The following CSMD3 variants were observed in gnomAD, a reference collection of about 807,000 sequenced individuals.
CSMD3 encodes CUB and sushi domain-containing protein 3.
Under a neutral mutation model 435.2 loss-of-function variants are expected in CSMD3, and 177 were observed. The ratio of observed to expected loss-of-function variants is 0.41; its 90% CI spans 0.36 to 0.46. The LOEUF is 0.46. CSMD3 is among the 20% of genes least tolerant of loss of function. The pLI, the probability that CSMD3 is intolerant of heterozygous loss-of-function variation, is 0.34. For synonymous variants in CSMD3, 1,656 were observed against 1,520.5 expected, an observed-to-expected ratio of 1.09 and a Z score of -2.07; for missense variants, 4,265 against 4,504.6, an observed-to-expected ratio of 0.95 and a Z score of 1.52.
rs757265240 is a variant in CSMD3 at position 113,239,649 on chromosome 8, A to T, written c.514+38943T>A. Among the ~76,000 whole-genome samples, 12 of 152,042 alleles carry T rather than the reference A, an allele frequency of 7.9e-5. 1 individual carries two copies. Among genetic ancestry groups the T allele is most frequent in the South Asian group, 4.1e-4 (2 of 4,822 alleles). The stretch of plus-strand genomic sequence containing the variant: ...AAATATGTGTTAACATGGCTTTGGA[A>T]ATGGGTAATGAGTAGGAGGGTGGAG... On this transcript the variant is annotated intron_variant, in intron 3 of 70. Coordinates refer to ENST00000297405, the MANE Select transcript of CSMD3 (RefSeq NM_198123.2).
chr8:113,280,968 G>C (rs2093608859), intron 2 of CSMD3, among the ~76,000 whole-genome samples: 1 of 151,898 alleles, frequency 6.6e-6, no homozygotes, highest in Non-Finnish European at 1.5e-5. Context: ...ATGGTATTGA[G>C]GGTTCCTTTT....
intron 22 of CSMD3, among the ~76,000 whole-genome samples, chr8:112,590,360 T>C (rs1222332767): frequency 3.3e-5 from 5 of 149,888 alleles, no homozygotes; most frequent in South Asian, 4.2e-4. Flanking sequence ...AATGGATGAG[T>C]AAATTAAAGG....
chr8:112,255,127 T>C (rs1815652677), intron 62 of CSMD3, 127 bp downstream of exon 62: 1 of 713,684 alleles, frequency 1.4e-6, no homozygotes, highest in Non-Finnish European at 2.4e-6. Context: ...GCCTTCTAAT[T>C]GCTTCTATAT....
intron 5 of CSMD3, among the ~76,000 whole-genome samples, chr8:113,063,954 A>G (rs979761464): frequency 6.6e-6 from 1 of 151,670 alleles, no homozygotes; most frequent in Non-Finnish European, 1.5e-5. Flanking sequence ...TAAAAGGACT[A>G]TAATAAATAG....
intron 5 of CSMD3, among the ~76,000 whole-genome samples, chr8:113,071,429 C>T (rs2089114218): frequency 6.6e-6 from 1 of 151,892 alleles, no homozygotes; most frequent in Non-Finnish European, 1.5e-5. Flanking sequence ...ATGTTTTCTT[C>T]TAGTAGTTTT....
At position 112,685,578 on chromosome 8, in the gene CSMD3, G is replaced by T. The variant is rs2131804292; in HGVS notation, c.2310C>A (p.Ser770=). 6.2e-7 allele frequency: 1 copy of T among 1,613,854 alleles called. No individual in the cohort carries two copies. The highest frequency in any genetic ancestry group is 8.5e-7 in the Non-Finnish European group (1 of 1,179,934). ...CTTTAACAGCAAGGAAATCAAACTG[G>T]GATTCCAGGTCAAAGTCATTGAAAG... ...HLSFNDFDLE[S]QFDFLAVKDG... is the part of the protein sequence containing the mutation. The change falls in exon 15 of 71, where the codon TCC becomes TCA. Residue 770 remains serine (S), a synonymous_variant. Transcript: ENST00000297405.
At chr8:112,659,546 T>C (rs1208443128) in intron 17 of CSMD3, among the ~76,000 whole-genome samples, 1 of 152,118 alleles carries the variant, frequency 6.6e-6, no homozygotes, top group Non-Finnish European at 1.5e-5. Flanking sequence ...AGACTGATAG[T>C]GATAGCATGC....
intron 1 of CSMD3, among the ~76,000 whole-genome samples, chr8:113,417,030 T>C (rs893705408): frequency 6.6e-6 from 1 of 152,036 alleles, no homozygotes; most frequent in Admixed American, 6.6e-5. Flanking sequence ...AATAATAAAC[T>C]TCTTTGATAA....
intron 10 of CSMD3, among the ~76,000 whole-genome samples, chr8:112,884,122 G>A (rs2081523644): frequency 6.6e-6 from 1 of 151,862 alleles, no homozygotes; most frequent in Non-Finnish European, 1.5e-5. Context: ...CAGTAAAACA[G>A]TGCTTTAGAA....
chr8:113,402,008 C>A (rs1312468593), intron 1 of CSMD3, among the ~76,000 whole-genome samples: 1 of 151,412 alleles, frequency 6.6e-6, no homozygotes, highest in Non-Finnish European at 1.5e-5. Context: ...CTGAATGTGT[C>A]CCCATCTTTA....
chr8:112,324,132 A>G (rs150681507), intron 45 of CSMD3, among the ~76,000 whole-genome samples: 3 of 152,098 alleles, frequency 2.0e-5, no homozygotes, highest in African/African-American at 7.2e-5. Context: ...AAGCAAGATC[A>G]TTACCCTAAT....
intron 1 of CSMD3, among the ~76,000 whole-genome samples, chr8:113,392,055 T>C (rs1225717798): frequency 1.3e-5 from 2 of 152,052 alleles, no homozygotes; most frequent in African/African-American, 2.4e-5. Context: ...ATCACATGCT[T>C]AATGATTGAC....
chr8:112,238,740 T>TTAAATTTA, intron 66 of CSMD3, among the ~76,000 whole-genome samples: 1 of 151,882 alleles, frequency 6.6e-6, no homozygotes, highest in Non-Finnish European at 1.5e-5. Context: ...TTATAAGTGT[T>TTAAATTTA]GAATTTGATC....
rs189974315 is a variant in CSMD3, at chr8:112,568,432, A to G, written c.4042+5069T>C. Among the ~76,000 whole-genome samples the G allele has an allele frequency of 3.3e-5, 5 of 152,164 alleles. No homozygotes were observed. The East Asian group carries it at 9.7e-4, about 29-fold the overall frequency. ...ATATGGCAAAACCCTGTCTCTATTA[A>G]AAATACAAAAAAATTAGCCAGGCAT... On this transcript the variant is annotated intron_variant, in intron 24 of 70. Transcript: ENST00000297405.
intron 6 of CSMD3, among the ~76,000 whole-genome samples, chr8:113,008,003 A>G (rs1398559397): frequency 6.6e-6 from 1 of 151,850 alleles, no homozygotes; most frequent in East Asian, 1.9e-4. Flanking sequence ...AAATATCTCA[A>G]TATCTTCTCA....
intron 3 of CSMD3, among the ~76,000 whole-genome samples, chr8:113,224,602 T>G (rs2093005552): frequency 6.6e-6 from 1 of 151,274 alleles, no homozygotes; most frequent in African/African-American, 2.4e-5. Context: ...GCAACTAAAA[T>G]ATGTTATTAC....
chr8:112,545,040 T>C (rs985821590), intron 27 of CSMD3, among the ~76,000 whole-genome samples: 3 of 152,180 alleles, frequency 2.0e-5, no homozygotes, highest in Admixed American at 2.0e-4. Context: ...AGTCTCTATT[T>C]CTACACATAC....
chr8:112,830,164 AG>A (rs764766848), intron 11 of CSMD3, among the ~76,000 whole-genome samples: 3,220 of 152,270 alleles, frequency 0.021, 55 homozygotes, highest in Middle Eastern at 0.045. Context: ...GTAGGTGGAG[AG>A]TGGTTTTCCA....
At chr8:113,267,999 C>T (rs752617025) in intron 3 of CSMD3, among the ~76,000 whole-genome samples, 10 of 151,500 alleles carry the variant, frequency 6.6e-5, no homozygotes, top group Non-Finnish European at 1.5e-4. Flanking sequence ...TATACATATA[C>T]ATTCCTCTAA....
Sources: gnomAD v4.1 joint callset for allele counts (sites outside exome capture counted in the v4.1 genomes callset) on GRCh38, gnomAD v4.1.1 for gene constraint, MANE v1.5 for transcripts, NCBI Gene and HGNC (gene_info 2026-07-23, HGNC 2026-07-21) for gene names.